KIF1B: variants seen among roughly 807,000 people sequenced by gnomAD.
KIF1B encodes the protein kinesin family member 1B.
In KIF1B, 76 loss-of-function variants were observed where a neutral mutation model predicts 241.9. The ratio of observed to expected loss-of-function variants is 0.31; its 90% CI spans 0.26 to 0.38. The LOEUF is 0.38. Among genes scored for constraint, KIF1B ranks in the 10% least tolerant of loss-of-function variants. The pLI is 1.00. For missense variants in KIF1B, 1,622 were observed against 2,271.4 expected, an observed-to-expected ratio of 0.71 and a Z score of 5.81; for synonymous variants, 750 against 796.7, an observed-to-expected ratio of 0.94 and a Z score of 0.99.
At chr1:10,268,881 T>C (rs1322052255) in intron 7 of KIF1B, among the ~76,000 whole-genome samples, 1 of 152,204 alleles carries the variant, frequency 6.6e-6, no homozygotes, top group African/African-American at 2.4e-5. Context: ...TCTTTGTTCC[T>C]CAGTTTCCCC....
chr1:10,376,460 G>T, intron 48 of KIF1B, 85 bp from the exon 49 acceptor site: 1 of 1,346,014 alleles, frequency 7.4e-7, no homozygotes, highest in Non-Finnish European at 1.1e-6. Flanking sequence ...GATGCTCCAG[G>T]AGGGAGCCTC....
chr1:10,297,700 C>CTT (rs547372198), intron 22 of KIF1B, among the ~76,000 whole-genome samples: 15 of 146,822 alleles, frequency 1.0e-4, no homozygotes, highest in African/African-American at 3.2e-4. Context: ...GCTGGGCAGA[C>CTT]TTTTTTTTTT....
In KIF1B at chr1:10,236,273, A is replaced by AAACAACAACAACAAC. The variant is rs367849877; in HGVS notation, c.106+3857_106+3871dup. On this transcript the variant is annotated intron_variant, in intron 2 of 48. Transcript: ENST00000676179. ...AGTGGCAGAGCAAGACTCCATCCCAAAACAACAACAACAACAACAACAACA... is the reference window on the plus strand; with the variant it reads ...AGTGGCAGAGCAAGACTCCATCCCAAAACAACAACAACAACAACAACAACAACAACAACAACAACA... Among the ~76,000 whole-genome samples, 87 of 94,110 alleles carry AAACAACAACAACAAC rather than the reference A, an allele frequency of 9.2e-4. 1 individual carries two copies. Among genetic ancestry groups the AAACAACAACAACAAC allele is most frequent in the African/African-American group, 2.5e-3 (86 of 34,128 alleles). The allele number at this position is 94,110 out of a possible 152,430, so 61.7% of individuals were successfully genotyped here. A position where few individuals can be genotyped will look rare whatever the true frequency, so the allele number is the denominator to read the frequency against.
intron 44 of KIF1B, among the ~76,000 whole-genome samples, chr1:10,369,687 C>CT (rs1242091471): frequency 3.9e-5 from 6 of 152,138 alleles, no homozygotes; most frequent in African/African-American, 1.4e-4. Context: ...AATCCCAACA[C>CT]TTTGGGAGGC....
chr1:10,306,646 G>T, intron 22 of KIF1B: 1 of 630,812 alleles, frequency 1.6e-6, no homozygotes, highest in South Asian at 7.4e-5. Context: ...GGTGAACCCA[G>T]CCCAGGTTGG....
At chr1:10,335,624 TG>T (rs201360312) in intron 28 of KIF1B, among the ~76,000 whole-genome samples, 2,988 of 151,552 alleles carry the variant, frequency 0.02, 44 homozygotes, top group Non-Finnish European at 0.029. Flanking sequence ...GCTTAGTTGT[TG>T]TTTTTTTGTT....
intron 1 of KIF1B, among the ~76,000 whole-genome samples, chr1:10,226,581 C>A (rs1020805609): frequency 1.3e-5 from 2 of 152,144 alleles, no homozygotes; most frequent in Non-Finnish European, 2.9e-5. Context: ...CAACAACTAT[C>A]AACATTTTGG....
chr1:10,337,320 C>T lies in KIF1B; in HGVS notation c.3260-51C>T, dbSNP rs575600308. 21 of 1,613,192 alleles carry T rather than the reference C, an allele frequency of 1.3e-5. No individual in the cohort carries two copies. The South Asian group carries it at 1.9e-4, about 14-fold the overall frequency. ...AGGAATGGAAAGCATGCCCAACTCCCTCCTCTTTGCATTATTTGAACCATC... is the reference window on the plus strand; with the variant it reads ...AGGAATGGAAAGCATGCCCAACTCCTTCCTCTTTGCATTATTTGAACCATC... On this transcript the variant is annotated intron_variant, in intron 30 of 48. Coordinates refer to ENST00000676179, the MANE Select transcript of KIF1B (RefSeq NM_001365951.3). This position sits in a 1 kb window ranked among gnomAD's most constrained non-coding sequence, Gnocchi z 4.0.
chr1:10,360,076 A>G (rs931227270), intron 38 of KIF1B, among the ~76,000 whole-genome samples: 1 of 151,992 alleles, frequency 6.6e-6, no homozygotes, highest in African/African-American at 2.4e-5. Context: ...AAATAAAATA[A>G]TGCTCTCTAT....
Position 10,248,655 on chromosome 1 carries a change from C to T in KIF1B, c.107-7592C>T, listed in dbSNP as rs980789120. ...AGAGCAAAGTTCCCAAACATGCTGC[C>T]GTGGTTGATGTGTTCTGTCATCTGG... is the stretch of plus-strand genomic sequence containing the variant. On this transcript the variant is annotated intron_variant, in intron 2 of 48. Coordinates refer to ENST00000676179, the MANE Select transcript of KIF1B (RefSeq NM_001365951.3). Among the ~76,000 whole-genome samples, 6 of 152,102 alleles carry T rather than the reference C, an allele frequency of 3.9e-5. No homozygotes were observed. The South Asian group carries it at 6.2e-4, about 16-fold the overall frequency.
chr1:10,212,931 T>C (rs12093553), intron 1 of KIF1B, among the ~76,000 whole-genome samples: 13,570 of 86,110 alleles, frequency 0.16, 962 homozygotes, highest in African/African-American at 0.35. Context: ...TATATATATA[T>C]ACACACACAC....
chr1:10,363,811 T>G (rs1638491032), intron 41 of KIF1B, among the ~76,000 whole-genome samples: 1 of 152,262 alleles, frequency 6.6e-6, no homozygotes, highest in Non-Finnish European at 1.5e-5. Context: ...GCACTTAGCA[T>G]TTCTATGTTT....
rs529317485 is a variant in KIF1B at position 10,352,795 on chromosome 1, G to A, written c.4055+59G>A. The A allele has an allele frequency of 9.5e-5, 112 of 1,185,008 alleles. 2 individuals are homozygous for A. The highest frequency in any genetic ancestry group is 8.3e-4 in the South Asian group (68 of 82,196). 73.4% of individuals were successfully genotyped at this position (1,185,008 alleles called of 1,614,324 possible). A position where few individuals can be genotyped will look rare whatever the true frequency, so the allele number is the denominator to read the frequency against. On this transcript the variant is annotated intron_variant, in intron 38 of 48. Coordinates refer to ENST00000676179, the MANE Select transcript of KIF1B (RefSeq NM_001365951.3). ...ACTTGCAGGCGTTAATTGGTACACC[G>A]TTAGGTGCCTTATTCATTAATGACT... is the stretch of plus-strand genomic sequence containing the variant.
intron 22 of KIF1B, among the ~76,000 whole-genome samples, chr1:10,316,631 G>A (rs1019592374): frequency 4.0e-5 from 6 of 151,346 alleles, no homozygotes; most frequent in Admixed American, 1.3e-4. Context: ...CCCTCTAGTA[G>A]CTGGGACTAC....
chr1:10,226,766 A>C (rs1646913245), intron 1 of KIF1B, among the ~76,000 whole-genome samples: 1 of 152,102 alleles, frequency 6.6e-6, no homozygotes, highest in African/African-American at 2.4e-5. Context: ...CAGGAGTTCG[A>C]GACCAGCCTG....
intron 9 of KIF1B, 33 bp from the exon 10 acceptor site, chr1:10,272,980 TC>T: frequency 6.5e-7 from 1 of 1,531,868 alleles, no homozygotes; most frequent in Non-Finnish European, 8.8e-7. Flanking sequence ...TATCCTGTGT[TC>T]TTATTTTCTC....
rs1012620818 is a variant in KIF1B at position 10,296,802 on chromosome 1, G to A, written c.1862-95G>A. The A allele has an allele frequency of 6.5e-6, 9 of 1,380,304 alleles. No homozygotes were observed. The African/African-American group carries it at 1.3e-4, about 20-fold the overall frequency. The allele number at this position is 1,380,304 out of a possible 1,614,324, so 85.5% of individuals were successfully genotyped here. On this transcript the variant is annotated intron_variant, in intron 20 of 48. Coordinates refer to ENST00000676179, the MANE Select transcript of KIF1B (RefSeq NM_001365951.3). Reference sequence around the variant, plus strand: ...TCTTGTAAAAACAACAGCTCTGAAAGCTGTCTTTTCACATTAGGGAGGGGT... The same window carrying A: ...TCTTGTAAAAACAACAGCTCTGAAAACTGTCTTTTCACATTAGGGAGGGGT...
At chr1:10,279,719 A>AAC (rs1649310593) in intron 14 of KIF1B, among the ~76,000 whole-genome samples, 1 of 118,532 alleles carries the variant, frequency 8.4e-6, no homozygotes. Flanking sequence ...TTTTTTTTAG[A>AAC]CAGTCTCACT....
chr1:10,370,515 C>T (rs1373571607), intron 44 of KIF1B, among the ~76,000 whole-genome samples: 1 of 150,274 alleles, frequency 6.7e-6, no homozygotes, highest in African/African-American at 2.5e-5. Flanking sequence ...AGTGAGCCAA[C>T]ATCGCACCAC....
Sources: gnomAD v4.1 joint callset for allele counts (sites outside exome capture counted in the v4.1 genomes callset) on GRCh38, gnomAD v4.1.1 for gene constraint, Gnocchi (gnomAD v3.1) non-coding constraint, MANE v1.5 for transcripts, NCBI Gene and HGNC (gene_info 2026-07-23, HGNC 2026-07-21) for gene names.